The following DYDC2 variants were observed in gnomAD, a reference collection of about 807,000 sequenced individuals.
DYDC2 encodes the protein DPY30 domain-containing protein 2.
DYDC2 carries 19 observed loss-of-function variants against 18.7 expected under a neutral mutation model. The observed-to-expected ratio is 1.02, with a 90% CI of 0.71 to 1.49. The LOEUF is 1.49. DYDC2 is among the 40% of genes most tolerant of loss of function. DYDC2 has a pLI of 0.00. For synonymous variants in DYDC2, 63 were observed against 67.6 expected, an observed-to-expected ratio of 0.93 and a Z score of 0.34; for missense variants, 179 against 205.1, an observed-to-expected ratio of 0.87 and a Z score of 0.78.
rs557621884 is a variant in DYDC2, at chr10:80,361,688, T to C, written c.-9-747T>C. Among the ~76,000 whole-genome samples the C allele has an allele frequency of 5.0e-4, 76 of 152,342 alleles. 1 individual carries two copies. Among genetic ancestry groups the C allele is most frequent in the Admixed American group, 3.5e-3 (53 of 15,300 alleles). ...ATTCTCATATGGACTCATGGATTCT[T>C]ATTTTATTCTGTAAGTTATAATCCA... On this transcript the variant is annotated intron_variant, in intron 2 of 4. Coordinates refer to ENST00000256039, the MANE Select transcript of DYDC2 (RefSeq NM_032372.6).
chr10:80,356,412 G>C, upstream of DYDC2: 1 of 985,602 alleles, frequency 1.0e-6, no homozygotes, highest in Non-Finnish European at 1.2e-6. Context: ...ACCCGGGCAG[G>C]GGTGCCAGAT....
At chr10:80,356,691 G>A, upstream of DYDC2, 2 of 984,106 alleles carry the variant, frequency 2.0e-6, no homozygotes, top group Non-Finnish European at 2.4e-6. Flanking sequence ...AAAACAGTTC[G>A]GGCCTTTCCG....
chr10:80,356,739 A>G (rs1843395860), upstream of DYDC2: 5 of 985,436 alleles, frequency 5.1e-6, no homozygotes, highest in African/African-American at 3.5e-5. Flanking sequence ...CTCGCCACCC[A>G]GGAGCGGCGT....
At chr10:80,362,885 G>A in intron 3 of DYDC2, 66 bp from the exon 4 acceptor site, 2 of 1,571,576 alleles carry the variant, frequency 1.3e-6, no homozygotes, top group Non-Finnish European at 1.7e-6. Flanking sequence ...AGTCCCCAGT[G>A]AGGGGGCCCC....
At chr10:80,345,623 TTCTC>T (rs1308440012) in intron 1 of DYDC2, among the ~76,000 whole-genome samples, 1 of 152,180 alleles carries the variant, frequency 6.6e-6, no homozygotes, top group African/African-American at 2.4e-5. Context: ...CACTGTTCTA[TTCTC>T]TCTTTTTATG....
rs1843694925 is a variant in DYDC2 at position 80,362,544 on chromosome 10, C to T, written c.101C>T (p.Ala34Val). Reference sequence around the variant, plus strand: ...CCCAGTGACCCAATAGAATACCTGGCTCACTGGCTTTATCATTACAGGAAA... The same window carrying T: ...CCCAGTGACCCAATAGAATACCTGGTTCACTGGCTTTATCATTACAGGAAA... ...VRPSDPIEYL[A>V]HWLYHYRKTA... is the part of the protein sequence containing the mutation. The change falls in exon 3 of 5, where the codon GCT (alanine) becomes GTT (valine). Residue 34 changes from alanine (A) to valine (V), a missense_variant. Coordinates refer to ENST00000256039, the MANE Select transcript of DYDC2 (RefSeq NM_032372.6). 1.2e-6 allele frequency: 2 copies of T among 1,613,762 alleles called. No homozygotes were observed. Among genetic ancestry groups the T allele is most frequent in the Non-Finnish European group, 1.7e-6 (2 of 1,179,790 alleles).
At chr10:80,351,766 A>G (rs1842994787) in intron 1 of DYDC2, 1 of 760,486 alleles carries the variant, frequency 1.3e-6, no homozygotes, top group East Asian at 2.6e-5. Context: ...AGACACACAC[A>G]TCCATAAAGA....
At chr10:80,346,226 A>G (rs1369694225) in intron 1 of DYDC2, among the ~76,000 whole-genome samples, 1 of 152,172 alleles carries the variant, frequency 6.6e-6, no homozygotes, top group Non-Finnish European at 1.5e-5. Flanking sequence ...TAATGCTGCA[A>G]TGGACATGGG....
chr10:80,357,834 G>A (rs1428618509), intron 1 of DYDC2, 59 bp from the exon 2 acceptor site: 1 of 985,378 alleles, frequency 1.0e-6, no homozygotes, highest in Admixed American at 6.2e-5. Flanking sequence ...AAAATCAAAG[G>A]GAAGCATGAG....
At chr10:80,364,872 A>G (rs1435102386) in intron 4 of DYDC2, among the ~76,000 whole-genome samples, 1 of 152,240 alleles carries the variant, frequency 6.6e-6, no homozygotes, top group Non-Finnish European at 1.5e-5. Flanking sequence ...TTAAGATGTG[A>G]GTTACTCTCC....
chr10:80,366,028 CTTTT>C (rs770351822), intron 4 of DYDC2, among the ~76,000 whole-genome samples: 50 of 90,332 alleles, frequency 5.5e-4, no homozygotes, highest in African/African-American at 1.9e-3. Flanking sequence ...TTTTCTTTCT[CTTTT>C]TTTTTTTTTT....
At chr10:80,354,107 C>T (rs867355504), upstream of DYDC2, among the ~76,000 whole-genome samples, 4 of 145,162 alleles carry the variant, frequency 2.8e-5, no homozygotes, top group Non-Finnish European at 6.0e-5. Context: ...CAGAGTGAGA[C>T]TCTGTCTCAT....
At chr10:80,349,397 A>G (rs553045040) in intron 1 of DYDC2, among the ~76,000 whole-genome samples, 2 of 152,354 alleles carry the variant, frequency 1.3e-5, no homozygotes, top group African/African-American at 2.4e-5. Flanking sequence ...TTCCTACATA[A>G]TATGCCATAA....
chr10:80,362,222 C>T (rs751100923), intron 2 of DYDC2, among the ~76,000 whole-genome samples: 3 of 152,180 alleles, frequency 2.0e-5, no homozygotes, highest in South Asian at 2.1e-4. Context: ...ATATGGACTC[C>T]GTCAGGAGGA....
At chr10:80,349,224 T>C (rs902164302) in intron 1 of DYDC2, among the ~76,000 whole-genome samples, 3 of 152,226 alleles carry the variant, frequency 2.0e-5, no homozygotes, top group Non-Finnish European at 4.4e-5. Flanking sequence ...ATTTTGATGA[T>C]AGACCACACT....
upstream of DYDC2, chr10:80,356,249 T>C: frequency 1.0e-6 from 1 of 985,378 alleles, no homozygotes; most frequent in Non-Finnish European, 1.2e-6. Flanking sequence ...ATTTTTCACA[T>C]ACACCAATAG....
upstream of DYDC2, chr10:80,352,677 C>T (rs1229760639): frequency 6.6e-7 from 1 of 1,505,256 alleles, no homozygotes; most frequent in Non-Finnish European, 8.9e-7. Flanking sequence ...AACTAAAGTC[C>T]AGTGAGGTGA....
chr10:80,356,643 G>A (rs1252091650), upstream of DYDC2: 3 of 985,094 alleles, frequency 3.0e-6, no homozygotes, highest in Non-Finnish European at 2.4e-6. Context: ...AACCGCCTCT[G>A]CCCGCCGGAC....
chr10:80,360,133 G>A (rs1415584974), intron 2 of DYDC2, among the ~76,000 whole-genome samples: 1 of 152,222 alleles, frequency 6.6e-6, no homozygotes, highest in Admixed American at 6.5e-5. Flanking sequence ...ATTGGTTCAA[G>A]TGGGCCACAC....
Sources: gnomAD v4.1 joint callset for allele counts (sites outside exome capture counted in the v4.1 genomes callset) on GRCh38, gnomAD v4.1.1 for gene constraint, MANE v1.5 for transcripts, NCBI Gene and HGNC (gene_info 2026-07-23, HGNC 2026-07-21) for gene names.